The following BCR variants were observed in gnomAD, a reference collection of about 807,000 sequenced individuals.
The protein encoded by BCR is BCR activator of RhoGEF and GTPase.
A neutral mutation model predicts 138.6 loss-of-function variants in BCR; 58 were observed. The observed-to-expected ratio is 0.42, with a 90% CI of 0.34 to 0.52. The LOEUF is 0.52. BCR is among the 20% of genes least tolerant of loss of function. The pLI is 0.06. For missense variants in BCR, 1,599 were observed against 1,727.2 expected, an observed-to-expected ratio of 0.93 and a Z score of 1.32; for synonymous variants, 786 against 730.1, an observed-to-expected ratio of 1.08 and a Z score of -1.23.
chr22:23,316,247 AGAGCGACCTCG>A lies in BCR; in HGVS notation c.*726_*736del. On this transcript the variant is annotated 3_prime_UTR_variant, in exon 23 of 23. Coordinates refer to ENST00000305877, the MANE Select transcript of BCR (RefSeq NM_004327.4). ...GCACTTTAGGGTTCGTTCTCCAGGG[AGAGCGACCTCG>A]TCCCCCGATCCTGACCGCCCTTCCG... The A allele has an allele frequency of 6.2e-6, 1 of 162,260 alleles. No individual in the cohort carries two copies. Among genetic ancestry groups the A allele is most frequent in the African/African-American group, 3.6e-5 (1 of 27,758 alleles). 10.1% of individuals were successfully genotyped at this position (162,260 alleles called of 1,614,324 possible).
intron 10 of BCR, 65 bp from the exon 11 acceptor site, chr22:23,287,094 T>G (rs2073723300): frequency 2.6e-6 from 4 of 1,551,798 alleles, no homozygotes; most frequent in Non-Finnish European, 3.5e-6. Flanking sequence ...TGGGGATGGA[T>G]GGAATGGGAG....
intron 4 of BCR, chr22:23,263,175 C>T (rs1394505963): frequency 1.6e-5 from 13 of 820,450 alleles, no homozygotes; most frequent in Non-Finnish European, 2.2e-5. Flanking sequence ...GGAGGCGGCT[C>T]GGGAGTCAGC....
intron 9 of BCR, 93 bp from the exon 10 acceptor site, chr22:23,284,940 C>T: frequency 7.1e-7 from 1 of 1,414,954 alleles, no homozygotes; most frequent in Non-Finnish European, 9.7e-7. Flanking sequence ...CCATGTATGG[C>T]CGAGAACACT....
intron 1 of BCR, among the ~76,000 whole-genome samples, chr22:23,193,869 A>G (rs977309590): frequency 6.6e-6 from 1 of 152,216 alleles, no homozygotes; most frequent in African/African-American, 2.4e-5. Context: ...CGCAGGGGTC[A>G]TTTGACTCCT....
chr22:23,184,361 G>A (rs1373326941), intron 1 of BCR, among the ~76,000 whole-genome samples: 1 of 152,076 alleles, frequency 6.6e-6, no homozygotes, highest in South Asian at 2.1e-4. Flanking sequence ...GAGTAGCTGG[G>A]GTTACAGGGA....
chr22:23,248,371 T>A (rs2073179417), intron 1 of BCR, among the ~76,000 whole-genome samples: 1 of 151,750 alleles, frequency 6.6e-6, no homozygotes, highest in Non-Finnish European at 1.5e-5. Flanking sequence ...AAATCAGTTA[T>A]TTTGGGTACA....
chr22:23,186,800 C>T (rs1301703926), intron 1 of BCR, among the ~76,000 whole-genome samples: 2 of 152,152 alleles, frequency 1.3e-5, no homozygotes, highest in South Asian at 2.1e-4. Flanking sequence ...TCTGCCTCCC[C>T]AGTTCAAGCT....
chr22:23,206,099 A>C (rs1464348646), intron 1 of BCR, among the ~76,000 whole-genome samples: 1 of 152,178 alleles, frequency 6.6e-6, no homozygotes, highest in Non-Finnish European at 1.5e-5. Flanking sequence ...AGAGATGGTC[A>C]CTTGGTTTCT....
In BCR at chr22:23,261,065, T is replaced by C. The variant is rs761317547; in HGVS notation, c.1566+11T>C. 1.9e-6 allele frequency: 3 copies of C among 1,611,394 alleles called. No homozygotes were observed. In the Admixed American group the frequency reaches 5.0e-5, roughly 27 times the overall value. ...GAGGCACTGCTGCTGGTGAGGAGGA[T>C]TTAGGGAGCTGAGCAGGGCGGGATG... On this transcript the variant is annotated intron_variant, in intron 3 of 22. Transcript: ENST00000305877.
At chr22:23,206,726 G>A (rs1417425326) in intron 1 of BCR, among the ~76,000 whole-genome samples, 2 of 152,156 alleles carry the variant, frequency 1.3e-5, no homozygotes, top group Non-Finnish European at 2.9e-5. Flanking sequence ...CCTAGCAGCA[G>A]ATGTTCCTGA....
In BCR at chr22:23,285,151, G is replaced by A. The variant is rs1259370853; in HGVS notation, c.2356G>A (p.Ala786Thr). The A allele has an allele frequency of 2.3e-5, 37 of 1,613,786 alleles. No individual in the cohort carries two copies. The highest frequency in any genetic ancestry group is 1.8e-4 in the Admixed American group (11 of 59,966). ...CCTGGTGCCCGATGAGGAGCTGGAC[G>A]CTTTGAAGATCAAGATCTCCCAGAT... ...IPLVPDEELD[A>T]LKIKISQIKN... The change falls in exon 10 of 23, where the codon GCT becomes ACT. Residue 786 changes from alanine to threonine, a missense_variant. Around this residue, in one of 4 missense-constraint regions of BCR, gnomAD observed 590 missense variants for 762.4 expected, o/e 0.77. Transcript: ENST00000305877.
At chr22:23,199,457 T>C (rs2072523693) in intron 1 of BCR, 1 of 391,052 alleles carries the variant, frequency 2.6e-6, no homozygotes, top group Admixed American at 3.0e-5. Flanking sequence ...GCTGGCGGGC[T>C]GGGAGAGGTG....
At chr22:23,253,474 A>G (rs1226613269) in intron 1 of BCR, among the ~76,000 whole-genome samples, 2 of 152,218 alleles carry the variant, frequency 1.3e-5, no homozygotes, top group Admixed American at 1.3e-4. Flanking sequence ...TGGAGATTCC[A>G]AGGGTTTTAG....
intron 1 of BCR, among the ~76,000 whole-genome samples, chr22:23,187,203 T>C (rs891481068): frequency 2.0e-5 from 3 of 152,190 alleles, no homozygotes; most frequent in African/African-American, 4.8e-5. Context: ...GACTTATCAA[T>C]TACTCGGTCT....
intron 1 of BCR, among the ~76,000 whole-genome samples, chr22:23,198,536 C>T (rs529889369): frequency 4.6e-5 from 7 of 152,128 alleles, no homozygotes; most frequent in Admixed American, 6.5e-5. Context: ...AGGCATTTTC[C>T]TGGTGGGAGG....
Position 23,296,652 on chromosome 22 carries a change from T to C in BCR, c.3012+1497T>C, listed in dbSNP as rs1425516815. ...GGCTCCCTATACTTTGAGATCAGGT[T>C]TAAAAGCAAAAAGACTCCTCTGGCA... On this transcript the variant is annotated intron_variant, in intron 16 of 22. Coordinates refer to ENST00000305877, the MANE Select transcript of BCR (RefSeq NM_004327.4). Among the ~76,000 whole-genome samples, 6 of 152,164 alleles carry C rather than the reference T, an allele frequency of 3.9e-5. No individual in the cohort carries two copies. The East Asian group carries it at 1.2e-3, about 29-fold the overall frequency.
chr22:23,294,818 A>C (rs1386233170), intron 15 of BCR, among the ~76,000 whole-genome samples: 1 of 152,170 alleles, frequency 6.6e-6, no homozygotes, highest in Admixed American at 6.5e-5. Context: ...AGCTTCTGGA[A>C]GCATCCGGGC....
At chr22:23,217,054 C>T in intron 1 of BCR, 1 of 449,956 alleles carries the variant, frequency 2.2e-6, no homozygotes. Context: ...GGCGTGGACA[C>T]AAGGCATGAT....
intron 2 of BCR, among the ~76,000 whole-genome samples, chr22:23,258,268 G>C (rs1003329308): frequency 6.6e-6 from 1 of 151,886 alleles, no homozygotes; most frequent in Non-Finnish European, 1.5e-5. Flanking sequence ...GCCCAGGAAG[G>C]CTTTTTAGAT....
Sources: allele counts gnomAD v4.1 joint callset (sites outside exome capture counted in the v4.1 genomes callset), GRCh38; gene constraint gnomAD v4.1.1; regional missense constraint gnomAD v4.1.1; transcripts MANE v1.5; gene names NCBI Gene and HGNC (gene_info 2026-07-23, HGNC 2026-07-21).